Variants in KIF17 observed in about 807,000 individuals in gnomAD.
The protein encoded by KIF17 is kinesin-like protein KIF17.
A neutral mutation model predicts 96.8 loss-of-function variants in KIF17; 80 were observed. The observed-to-expected ratio is 0.83, with a 90% CI of 0.69 to 1.00. The LOEUF is 1.00. Among genes scored for constraint, KIF17 ranks in the 50% least tolerant of loss-of-function variants. The probability of loss-of-function intolerance (pLI) is 0.00; values close to 1 mark genes in which losing one functional copy is unlikely to be tolerated. For synonymous variants in KIF17, 567 were observed against 587.5 expected (o/e 0.97, Z 0.51); for missense variants, 1,280 against 1,372.9 (o/e 0.93, Z 1.07).
Position 20,709,640 on chromosome 1 carries a change from C to T in KIF17, c.669G>A (p.Val223=), listed in dbSNP as rs779575431. The change falls in exon 4 of 15, where the codon GTG becomes GTA. Residue 223 remains valine, a splice_region_variant and synonymous_variant. Coordinates refer to ENST00000400463, the MANE Select transcript of KIF17 (RefSeq NM_001122819.3). This position sits in a 1 kb window ranked among gnomAD's most constrained non-coding sequence, Gnocchi z 4.7. ...IFTISIEMSA[V]DERGKDHLRA... is the part of the protein sequence containing the mutation. ...GCCCCCAACAATGGCCTCGCATACC[C>T]ACGGCAGACATCTCGATGCTGATGG... is the stretch of plus-strand genomic sequence containing the variant. The T allele has an allele frequency of 6.2e-7, 1 of 1,614,008 alleles. No homozygotes were observed. The highest frequency in any genetic ancestry group is 1.3e-5 in the African/African-American group (1 of 75,044).
Position 20,704,471 on chromosome 1 carries a change from G to T in KIF17, c.1099C>A (p.Gln367Lys). ...IKKLKAILTQ[Q>K]MSPSSLSALL... is the part of the protein sequence containing the mutation. The stretch of plus-strand genomic sequence containing the variant: ...CCTGACAGGCTGCTGGGGCTCATCT[G>T]CTGTGTCAGGATGGCCTTGAGCTTC... The change falls in exon 5 of 15, where the codon CAG becomes AAG. Residue 367 changes from glutamine to lysine, a missense_variant. Physicochemically the swap from Gln to Lys is moderately conservative, Grantham distance 53 (BLOSUM62 1). Transcript: ENST00000400463. The surrounding 1 kb of genome is among the most constrained non-coding windows in gnomAD (Gnocchi z 6.8). 6.2e-7 allele frequency: 1 copy of T among 1,614,134 alleles called. No homozygotes were observed. Among genetic ancestry groups the T allele is most frequent in the Middle Eastern group, 1.6e-4 (1 of 6,062 alleles).
chr1:20,697,719 A>T (rs980053704), intron 6 of KIF17, among the ~76,000 whole-genome samples: 1 of 152,236 alleles, frequency 6.6e-6, no homozygotes, highest in African/African-American at 2.4e-5. Flanking sequence ...AAACCAACAG[A>T]GCGTGGAGTC....
At chr1:20,713,349 C>A (rs2054515763) in intron 3 of KIF17, 105 bp downstream of exon 3, 1 of 826,604 alleles carries the variant, frequency 1.2e-6, no homozygotes, top group African/African-American at 1.7e-5. Context: ...TCTAGCCTCC[C>A]AGTGCCGGCA....
At chr1:20,703,787 G>C (rs1159213135) in intron 5 of KIF17, among the ~76,000 whole-genome samples, 1 of 152,058 alleles carries the variant, frequency 6.6e-6, no homozygotes, top group Non-Finnish European at 1.5e-5. Context: ...AAGAGCTTCT[G>C]AGATAAGAAA....
intron 10 of KIF17, among the ~76,000 whole-genome samples, chr1:20,683,341 TAG>T (rs1269526345): frequency 2.0e-5 from 3 of 152,208 alleles, no homozygotes; most frequent in Non-Finnish European, 4.4e-5. Flanking sequence ...CAAAAACGTT[TAG>T]AGTTTTGTCC....
intron 2 of KIF17, among the ~76,000 whole-genome samples, chr1:20,713,984 C>T (rs929140391): frequency 8.5e-5 from 13 of 152,058 alleles, no homozygotes; most frequent in African/African-American, 1.7e-4. Context: ...GTCAGGAGTT[C>T]GAGACCAGCC....
intron 4 of KIF17, among the ~76,000 whole-genome samples, chr1:20,705,432 A>T (rs2054323597): frequency 6.6e-6 from 1 of 152,190 alleles, no homozygotes; most frequent in Non-Finnish European, 1.5e-5. Context: ...ACAAAATGAG[A>T]CTACCCATGG....
At chr1:20,669,980 G>A (rs1406052379) in intron 13 of KIF17, among the ~76,000 whole-genome samples, 1 of 115,794 alleles carries the variant, frequency 8.6e-6, no homozygotes, top group African/African-American at 3.1e-5. Context: ...TCTTGCCACT[G>A]AGCTTAGAAA....
At chr1:20,665,259 ACT>A (rs2053506861) in intron 14 of KIF17, among the ~76,000 whole-genome samples, 1 of 100,394 alleles carries the variant, frequency 1.0e-5, no homozygotes, top group Admixed American at 1.3e-4. Flanking sequence ...AAAAAGTCTT[ACT>A]CTGTCACCCA....
rs763122933 is a variant in KIF17 at position 20,670,427 on chromosome 1, C to G, written c.2784G>C (p.Pro928=). 6.2e-7 allele frequency: 1 copy of G among 1,613,728 alleles called. No homozygotes were observed. The highest frequency in any genetic ancestry group is 8.5e-7 in the Non-Finnish European group (1 of 1,180,030). ...CCTCTCCCGCGGTCCTCACCATGTTCGGCTCGCCATTGTCTGCTGCAGAGG... is the reference window on the plus strand; with the variant it reads ...CCTCTCCCGCGGTCCTCACCATGTTGGGCTCGCCATTGTCTGCTGCAGAGG... ...RKTSAADNGE[P]NMEDDRYRLM... is the part of the protein sequence containing the mutation. The change falls in exon 13 of 15, where the codon CCG becomes CCC. Residue 928 remains proline, a synonymous_variant. Coordinates refer to ENST00000400463, the MANE Select transcript of KIF17 (RefSeq NM_001122819.3).
intron 13 of KIF17, among the ~76,000 whole-genome samples, chr1:20,669,864 CAAAAAAAAAAAAAAAAAAAAAAAAAA>C (rs61673996): frequency 9.2e-4 from 17 of 18,438 alleles, no homozygotes; most frequent in East Asian, 6.5e-3. Flanking sequence ...GACTCCATCT[CAAAAAAAAAAAAAAAAAAAAAAAAAA>C]AAAAAAAAAA....
intron 5 of KIF17, among the ~76,000 whole-genome samples, chr1:20,703,180 T>C (rs74709751): frequency 2.2e-3 from 335 of 149,982 alleles, no homozygotes; most frequent in East Asian, 6.9e-3. Context: ...GATGGATGAA[T>C]GGATGGACGG....
chr1:20,668,344 C>G (rs2053571856), intron 13 of KIF17, among the ~76,000 whole-genome samples: 1 of 152,110 alleles, frequency 6.6e-6, no homozygotes, highest in Admixed American at 6.5e-5. Context: ...AGACACAGAC[C>G]CTGACTGTTT....
chr1:20,690,148 C>A lies in KIF17; in HGVS notation c.1381+40G>T, dbSNP rs1446114457. 8 of 1,612,906 alleles carry A rather than the reference C, an allele frequency of 5.0e-6. No homozygotes were observed. In the Middle Eastern group the frequency reaches 5.1e-4, roughly 104 times the overall value. ...CTGCAGTGAGGCGGAAAGGAGGCCA[C>A]CTTCCCTGGAGACAGCCTCGGGGGG... On this transcript the variant is annotated intron_variant, in intron 7 of 14. Coordinates refer to ENST00000400463, the MANE Select transcript of KIF17 (RefSeq NM_001122819.3).
In KIF17 at chr1:20,685,976, A is replaced by C; in HGVS notation, c.2019+70T>G. The C allele has an allele frequency of 8.0e-7, 1 of 1,251,822 alleles. No individual in the cohort carries two copies. The highest frequency in any genetic ancestry group is 2.0e-5 in the Admixed American group (1 of 50,574). The allele number at this position is 1,251,822 out of a possible 1,614,324, so 77.5% of individuals were successfully genotyped here. ...AAACTGAAGCTCAGGGAGGGAGAAG[A>C]CAAGCTGGAGTTTCCCAGGAAGTTG... On this transcript the variant is annotated intron_variant, in intron 9 of 14. Transcript: ENST00000400463. This position sits in a 1 kb window ranked among gnomAD's most constrained non-coding sequence, Gnocchi z 4.1.
intron 3 of KIF17, among the ~76,000 whole-genome samples, chr1:20,712,469 T>G (rs2054454146): frequency 6.9e-6 from 1 of 144,214 alleles, no homozygotes; most frequent in African/African-American, 2.6e-5. Context: ...GGCGCTGAGG[T>G]GGAAGGCTCA....
chr1:20,668,530 T>C (rs971145802), intron 13 of KIF17, among the ~76,000 whole-genome samples: 1 of 152,230 alleles, frequency 6.6e-6, no homozygotes, highest in Non-Finnish European at 1.5e-5. Context: ...CAACTTTCCC[T>C]TTTTTATGAA....
At position 20,717,513 on chromosome 1, in the gene KIF17, TCGGTGA is replaced by T. The variant is rs758980818; in HGVS notation, c.188_193del (p.Val63_Thr64del). 1 of 1,611,764 alleles carries T rather than the reference TCGGTGA, an allele frequency of 6.2e-7. No individual in the cohort carries two copies. Among genetic ancestry groups the T allele is most frequent in the South Asian group, 1.1e-5 (1 of 91,070 alleles). On this transcript the variant is annotated inframe_deletion, in exon 1 of 15. Coordinates refer to ENST00000400463, the MANE Select transcript of KIF17 (RefSeq NM_001122819.3). ...ATAGGCGATCTCGTTGTAGATCTGC[TCGGTGA>T]CGTGGTCCACGTGGTAGGCGCCGTC...
intron 2 of KIF17, among the ~76,000 whole-genome samples, chr1:20,714,796 C>CAAA (rs34182653): frequency 0.043 from 4,586 of 107,096 alleles, 215 homozygotes; most frequent in African/African-American, 0.09. Context: ...GACTCCGTCT[C>CAAA]AAAAAAAAAA....
Sources: allele counts gnomAD v4.1 joint callset (sites outside exome capture counted in the v4.1 genomes callset), GRCh38; gene constraint gnomAD v4.1.1; non-coding constraint Gnocchi (gnomAD v3.1); transcripts MANE v1.5; gene names NCBI Gene and HGNC (gene_info 2026-07-23, HGNC 2026-07-21).